The following TNRC6B variants were observed in gnomAD, a reference collection of about 807,000 sequenced individuals.
TNRC6B encodes the protein trinucleotide repeat containing adaptor 6B.
Under a neutral mutation model 203.6 loss-of-function variants are expected in TNRC6B, and 52 were observed. That is an observed-to-expected ratio of 0.26 (90% CI 0.20 to 0.32). The LOEUF is 0.32. Ranked by LOEUF, TNRC6B falls within the 10% of genes least tolerant of loss-of-function variation. The pLI, the probability that TNRC6B is intolerant of heterozygous loss-of-function variation, is 1.00. For synonymous variants in TNRC6B, 838 were observed against 845.7 expected, an observed-to-expected ratio of 0.99 and a Z score of 0.16; for missense variants, 1,923 against 2,286.2, an observed-to-expected ratio of 0.84 and a Z score of 3.24.
rs566634690 is a variant in TNRC6B, at chr22:40,223,023, A to G, written c.6-22992A>G. 3.3e-5 allele frequency among the ~76,000 whole-genome samples: 5 copies of G among 152,146 alleles called. No individual in the cohort carries two copies. In the East Asian group the frequency reaches 9.7e-4, roughly 29 times the overall value. On this transcript the variant is annotated intron_variant, in intron 1 of 22. Transcript: ENST00000454349. ...TGTCCTCCCAAAGTGCTGGGATTAT[A>G]GGCATGAGCCACCACACCCAACCTG... is the stretch of plus-strand genomic sequence containing the variant.
intron 19 of TNRC6B, among the ~76,000 whole-genome samples, chr22:40,314,875 ATTAC>A: frequency 6.6e-6 from 1 of 152,332 alleles, no homozygotes; most frequent in Non-Finnish European, 1.5e-5. Context: ...TAATTTACTA[ATTAC>A]TTTCTATTCA....
intron 6 of TNRC6B, 97 bp from the exon 7 acceptor site, chr22:40,273,328 T>G (rs371017959): frequency 1.7e-5 from 20 of 1,200,204 alleles, no homozygotes; most frequent in East Asian, 8.0e-5. Context: ...TAGATAAAAT[T>G]ACAAAGACAC....
intron 1 of TNRC6B, among the ~76,000 whole-genome samples, chr22:40,065,394 C>G (rs777488457): frequency 6.6e-6 from 1 of 152,142 alleles, no homozygotes; most frequent in African/African-American, 2.4e-5. Flanking sequence ...AACCCTCCCA[C>G]CTTGTCCTCC....
chr22:40,047,117 T>A (rs1601781701), intron 1 of TNRC6B, among the ~76,000 whole-genome samples: 1 of 152,114 alleles, frequency 6.6e-6, no homozygotes, highest in Non-Finnish European at 1.5e-5. Context: ...AGAAAAGGGA[T>A]CTCCAGGAGC....
At chr22:40,159,555 C>T (rs1431099719) in intron 4 of TNRC6B, among the ~76,000 whole-genome samples, 2 of 151,686 alleles carry the variant, frequency 1.3e-5, no homozygotes, top group African/African-American at 4.8e-5. Context: ...AGGAGAATGG[C>T]GTGAACCCAG....
intron 1 of TNRC6B, among the ~76,000 whole-genome samples, chr22:40,103,103 A>AAATT (rs1043621631): frequency 6.7e-6 from 1 of 149,812 alleles, no homozygotes; most frequent in African/African-American, 2.5e-5. Flanking sequence ...ATAAATAAAT[A>AAATT]AATTAATTAA....
In TNRC6B at chr22:40,217,342, T is replaced by G. The variant is rs118121956; in HGVS notation, c.6-28673T>G. Among the ~76,000 whole-genome samples the G allele has an allele frequency of 3.6e-3, 550 of 152,312 alleles. 4 individuals carry two copies. Among genetic ancestry groups the G allele is most frequent in the Middle Eastern group, 6.8e-3 (2 of 294 alleles). On this transcript the variant is annotated intron_variant, in intron 1 of 22. Transcript: ENST00000454349. ...TGTAGTGCTGAAAGGAACCTGACAT[T>G]GTGTAGCCCAGTTTCTTTTCCCATA...
At chr22:40,196,390 T>C (rs1184470300) in intron 1 of TNRC6B, among the ~76,000 whole-genome samples, 2 of 152,070 alleles carry the variant, frequency 1.3e-5, no homozygotes, top group Non-Finnish European at 2.9e-5. Flanking sequence ...TAAATCCTAA[T>C]AGTTACTGGT....
intron 2 of TNRC6B, among the ~76,000 whole-genome samples, chr22:40,119,306 G>A (rs750538667): frequency 1.3e-5 from 2 of 152,178 alleles, no homozygotes; most frequent in East Asian, 1.9e-4. Flanking sequence ...TGTGTCGGTC[G>A]GACACGGTGG....
rs574792287 is a variant in TNRC6B, at chr22:40,045,976, C to T, written c.-121+978C>T. Among the ~76,000 whole-genome samples the T allele has an allele frequency of 2.0e-5, 3 of 152,274 alleles. No homozygotes were observed. The South Asian group carries it at 6.2e-4, about 32-fold the overall frequency. ...AGAGGATGGTGAATTTCAAGTTGGT[C>T]ATTTGTATTATAATTTAAGCAAAAT... On this transcript the variant is annotated intron_variant, in intron 1 of 23. Transcript: ENST00000301923.
intron 3 of TNRC6B, among the ~76,000 whole-genome samples, chr22:40,140,295 C>T (rs1300398350): frequency 1.3e-5 from 2 of 152,092 alleles, no homozygotes; most frequent in African/African-American, 4.8e-5. Flanking sequence ...TTTTAATATC[C>T]TTTGAAGCTT....
chr22:40,192,806 G>A (rs546139184), intron 1 of TNRC6B, among the ~76,000 whole-genome samples: 1 of 152,196 alleles, frequency 6.6e-6, no homozygotes, highest in African/African-American at 2.4e-5. Flanking sequence ...AACAGCAGGG[G>A]TAGAAGGCAA....
At chr22:40,238,240 G>C (rs979219890) in intron 1 of TNRC6B, among the ~76,000 whole-genome samples, 1 of 152,038 alleles carries the variant, frequency 6.6e-6, no homozygotes, top group African/African-American at 2.4e-5. Context: ...CACTCGACTC[G>C]CCGTTCTCTA....
chr22:40,082,063 CTA>C (rs1470490828), intron 1 of TNRC6B, among the ~76,000 whole-genome samples: 1 of 152,080 alleles, frequency 6.6e-6, no homozygotes, highest in African/African-American at 2.4e-5. Context: ...GATGTAGTCT[CTA>C]TTCATTGATG....
At chr22:40,138,305 GCT>G (rs748964863) in intron 3 of TNRC6B, among the ~76,000 whole-genome samples, 11 of 152,202 alleles carry the variant, frequency 7.2e-5, no homozygotes, top group Non-Finnish European at 1.6e-4. Context: ...TCGCTCTGTT[GCT>G]CAGACTATTG....
chr22:40,074,905 C>A (rs1462448135), intron 1 of TNRC6B, among the ~76,000 whole-genome samples: 1 of 151,990 alleles, frequency 6.6e-6, no homozygotes, highest in Non-Finnish European at 1.5e-5. Flanking sequence ...CTGCAGGGAG[C>A]CGTGGTTGTA....
chr22:40,141,722 A>C (rs530759375), intron 3 of TNRC6B, among the ~76,000 whole-genome samples: 4 of 151,828 alleles, frequency 2.6e-5, no homozygotes, highest in Admixed American at 1.3e-4. Flanking sequence ...GCTTGTAAAG[A>C]AAATAGAGAT....
At chr22:40,170,849 GTGTGTATATATACATATATGTA>G (rs2068983442) in intron 4 of TNRC6B, among the ~76,000 whole-genome samples, 1 of 92,262 alleles carries the variant, frequency 1.1e-5, no homozygotes, top group African/African-American at 5.3e-5. Flanking sequence ...GTACATATAT[GTGTGTATATATACATATATGTA>G]CATATATGTG....
At chr22:40,065,550 A>C (rs924558519) in intron 1 of TNRC6B, among the ~76,000 whole-genome samples, 1 of 151,870 alleles carries the variant, frequency 6.6e-6, no homozygotes, top group African/African-American at 2.4e-5. Flanking sequence ...TCTTTCTAGG[A>C]ATTTGTCTAT....
Sources: gnomAD v4.1 joint callset for allele counts (sites outside exome capture counted in the v4.1 genomes callset) on GRCh38, gnomAD v4.1.1 for gene constraint, MANE v1.5 for transcripts, NCBI Gene and HGNC (gene_info 2026-07-23, HGNC 2026-07-21) for gene names.